Variants in ZNF286A observed in about 807,000 individuals in gnomAD.
The protein encoded by ZNF286A is zinc finger protein 286A.
Under a neutral mutation model 49.3 loss-of-function variants are expected in ZNF286A, and 34 were observed. The observed-to-expected ratio is 0.69, with a 90% CI of 0.52 to 0.92. The LOEUF (loss-of-function observed/expected upper bound fraction) is 0.92. Among genes scored for constraint, ZNF286A ranks in the 40% least tolerant of loss-of-function variants. ZNF286A has a pLI of 0.00. For synonymous variants in ZNF286A, 155 were observed against 200.4 expected (o/e 0.77, Z 1.91); for missense variants, 462 against 600.2 (o/e 0.77, Z 2.41).
In ZNF286A at chr17:15,720,309, A is replaced by C. The variant is rs1967307835; in HGVS notation, c.*3019A>C. 1 of 151,222 alleles carries C rather than the reference A, an allele frequency of 6.6e-6. No individual in the cohort carries two copies. The highest frequency in any genetic ancestry group is 1.5e-5 in the Non-Finnish European group (1 of 67,826). 9.4% of individuals were successfully genotyped at this position (151,222 alleles called of 1,614,324 possible). On this transcript the variant is annotated 3_prime_UTR_variant, in exon 6 of 6. Transcript: ENST00000583566. ...CCTTCTCTACATAGAGAAGTGCCAG[A>C]GCATCCGTCAGTAGAAGTTACTTAA...
chr17:15,716,260 A>C lies in ZNF286A; in HGVS notation c.536A>C (p.His179Pro). The C allele has an allele frequency of 6.2e-7, 1 of 1,613,922 alleles. No homozygotes were observed. Among genetic ancestry groups the C allele is most frequent in the African/African-American group, 1.3e-5 (1 of 75,060 alleles). Residue 179 changes from histidine (H) to proline (P), a missense_variant, in exon 6 of 6, where the codon CAC becomes CCC. Around this residue, in one of 3 missense-constraint regions of ZNF286A, gnomAD observed 259 missense variants for 272.2 expected, o/e 0.95. Transcript: ENST00000583566. ...AGACATTTGAGAGAAATGTTCACTC[A>C]CATGAATTCACTCTCTGAGGAAACA... ...QERHLREMFT[H>P]MNSLSEETDH... is the part of the protein sequence containing the mutation.
intron 5 of ZNF286A, among the ~76,000 whole-genome samples, chr17:15,710,658 A>T (rs900771064): frequency 3.9e-5 from 6 of 152,138 alleles, no homozygotes; most frequent in East Asian, 1.9e-4. Flanking sequence ...TATTATTTTT[A>T]AAAAAGTTAT....
At chr17:15,710,278 T>C (rs1369984253) in intron 5 of ZNF286A, among the ~76,000 whole-genome samples, 1 of 148,622 alleles carries the variant, frequency 6.7e-6, no homozygotes, top group Non-Finnish European at 1.5e-5. Context: ...TAAACATTTT[T>C]AATAACAAAC....
intron 5 of ZNF286A, among the ~76,000 whole-genome samples, chr17:15,713,570 CT>C (rs1487438223): frequency 6.6e-6 from 1 of 151,862 alleles, no homozygotes; most frequent in East Asian, 1.9e-4. Flanking sequence ...ACAAGTGATA[CT>C]TTCTGAAAGA....
chr17:15,703,447 A>G (rs950296182), intron 3 of ZNF286A, among the ~76,000 whole-genome samples: 2 of 151,528 alleles, frequency 1.3e-5, no homozygotes, highest in East Asian at 1.9e-4. Context: ...TTTACCTTTG[A>G]TTTGTTAGAT....
At chr17:15,706,629 T>C (rs1990247101) in intron 4 of ZNF286A, 128 bp downstream of exon 4, 1 of 594,412 alleles carries the variant, frequency 1.7e-6, no homozygotes, top group Non-Finnish European at 2.7e-6. Flanking sequence ...TTTTGGCCTG[T>C]GTAGAAAATC....
At position 15,719,561 on chromosome 17, in the gene ZNF286A, G is replaced by T. The variant is rs1356128217; in HGVS notation, c.*2271G>T. ...AGCACCTTTCACTGTGTCTTCACAT[G>T]GTAGAAGGGGAGAGCTCTGGTATCT... is the stretch of plus-strand genomic sequence containing the variant. On this transcript the variant is annotated 3_prime_UTR_variant, in exon 6 of 6. Coordinates refer to ENST00000583566, the MANE Select transcript of ZNF286A (RefSeq NM_001130842.2). The T allele has an allele frequency of 6.6e-6, 1 of 151,964 alleles. No individual in the cohort carries two copies. Among genetic ancestry groups the T allele is most frequent in the Non-Finnish European group, 1.5e-5 (1 of 68,018 alleles). 9.4% of individuals were successfully genotyped at this position (151,964 alleles called of 1,614,324 possible).
intron 3 of ZNF286A, chr17:15,704,898 C>G: frequency 1.0e-5 from 16 of 1,607,170 alleles, no homozygotes; most frequent in African/African-American, 1.3e-5. Flanking sequence ...CGTTGGAGTT[C>G]ATGGCTGCGG....
chr17:15,704,127 C>G (rs1990008544), intron 3 of ZNF286A: 5 of 857,620 alleles, frequency 5.8e-6, no homozygotes, highest in Non-Finnish European at 7.0e-6. Flanking sequence ...CCAGTGCCCC[C>G]TGTACCCTCC....
intron 5 of ZNF286A, chr17:15,708,544 A>G (rs1990414977): frequency 4.3e-6 from 1 of 231,568 alleles, no homozygotes; most frequent in African/African-American, 2.3e-5. Flanking sequence ...AATTTAGCAC[A>G]TTCATGTAAC....
chr17:15,711,870 CGG>C (rs1380982087), intron 5 of ZNF286A, among the ~76,000 whole-genome samples: 2 of 94,586 alleles, frequency 2.1e-5, no homozygotes, highest in African/African-American at 8.2e-5. Flanking sequence ...GCCCCCCCCC[CGG>C]CTTTTTTTTT....
At chr17:15,708,915 C>A (rs1258629582) in intron 5 of ZNF286A, among the ~76,000 whole-genome samples, 3 of 151,980 alleles carry the variant, frequency 2.0e-5, no homozygotes, top group African/African-American at 4.8e-5. Context: ...TTTTTAAATG[C>A]CTTTTGGTGA....
intron 3 of ZNF286A, chr17:15,704,964 G>C: frequency 1.5e-6 from 2 of 1,307,708 alleles, no homozygotes; most frequent in South Asian, 1.5e-5. Flanking sequence ...TCCGCCGGCC[G>C]GGGCGGGGGC....
rs753292987 is a variant in ZNF286A at position 15,716,274 on chromosome 17, T to A, written c.550T>A (p.Ser184Thr). The change falls in exon 6 of 6, where the codon TCT (serine) becomes ACT (threonine). Residue 184 changes from serine (S) to threonine (T), a missense_variant. Physicochemically the swap from Ser to Thr is moderately conservative, Grantham distance 58 (BLOSUM62 1). Around this residue, in one of 3 missense-constraint regions of ZNF286A, gnomAD observed 259 missense variants for 272.2 expected, o/e 0.95. Coordinates refer to ENST00000583566, the MANE Select transcript of ZNF286A (RefSeq NM_001130842.2). ...AATGTTCACTCACATGAATTCACTC[T>A]CTGAGGAAACAGACCATAAGCATGA... ...REMFTHMNSLSEETDHKHDVY... is the reference protein window; with the variant it reads ...REMFTHMNSLTEETDHKHDVY... 2 of 1,613,876 alleles carry A rather than the reference T, an allele frequency of 1.2e-6. No homozygotes were observed. The highest frequency in any genetic ancestry group is 3.3e-4 in the Middle Eastern group (2 of 6,054).
At chr17:15,709,484 T>A (rs140459929) in intron 5 of ZNF286A, among the ~76,000 whole-genome samples, 3,909 of 151,984 alleles carry the variant, frequency 0.026, 156 homozygotes, top group African/African-American at 0.089. Context: ...AGAGGGAGAC[T>A]GTGTCTCAAA....
rs1266642727 is a variant in ZNF286A at position 15,704,455 on chromosome 17, C to T, written c.127-1932C>T. 6.3e-5 allele frequency: 101 copies of T among 1,611,568 alleles called. 1 individual carries two copies. The East Asian group carries it at 1.7e-3, about 27-fold the overall frequency. On this transcript the variant is annotated intron_variant, in intron 3 of 5. Coordinates refer to ENST00000583566, the MANE Select transcript of ZNF286A (RefSeq NM_001130842.2). ...GCCCCCGTGGATCTCTGTGAGCAGA[C>T]GGGCCCGAGCCGCATACTCCTCGGA...
intron 5 of ZNF286A, among the ~76,000 whole-genome samples, chr17:15,709,568 A>T (rs539696115): frequency 1.1e-3 from 170 of 152,204 alleles, no homozygotes; most frequent in African/African-American, 4.0e-3. Flanking sequence ...ATATCTTGAA[A>T]TTGGTGTGAA....
intron 3 of ZNF286A, among the ~76,000 whole-genome samples, chr17:15,705,697 ATAT>A (rs1253626910): frequency 6.6e-6 from 1 of 152,196 alleles, no homozygotes; most frequent in African/African-American, 2.4e-5. Flanking sequence ...TAACCTTGAA[ATAT>A]TATTCCTGTT....
intron 3 of ZNF286A, among the ~76,000 whole-genome samples, chr17:15,705,949 A>AAGTTCTGTATTGC (rs1990197225): frequency 6.6e-6 from 1 of 152,038 alleles, no homozygotes; most frequent in Non-Finnish European, 1.5e-5. Context: ...CTCCATTTAC[A>AAGTTCTGTATTGC]AGTTCTGTAT....
Sources: gnomAD v4.1 joint callset for allele counts (sites outside exome capture counted in the v4.1 genomes callset) on GRCh38, gnomAD v4.1.1 for gene constraint, gnomAD v4.1.1 regional missense constraint, MANE v1.5 for transcripts, NCBI Gene and HGNC (gene_info 2026-07-23, HGNC 2026-07-21) for gene names.